PROSER1: variants seen among roughly 807,000 people sequenced by gnomAD.
PROSER1 encodes proline and serine-rich protein 1.
A neutral mutation model predicts 71.8 loss-of-function variants in PROSER1; 36 were observed. The ratio of observed to expected loss-of-function variants is 0.50; its 90% CI spans 0.38 to 0.66. The LOEUF is 0.66. Among genes scored for constraint, PROSER1 ranks in the 30% least tolerant of loss-of-function variants. The pLI, the probability that PROSER1 is intolerant of heterozygous loss-of-function variation, is 0.00. For synonymous variants in PROSER1, 490 were observed against 452.4 expected (o/e 1.08, Z -1.06); for missense variants, 1,107 against 1,135.0 (o/e 0.98, Z 0.35).
Position 39,012,759 on chromosome 13 carries a change from AGCTGGGGATGGG to A in PROSER1, c.2481_2492del (p.Ser829_Pro832del), listed in dbSNP as rs762275816. On this transcript the variant is annotated inframe_deletion, in exon 11 of 13. Coordinates refer to ENST00000352251, the MANE Select transcript of PROSER1 (RefSeq NM_025138.5). ...CTGAGGCGAATCCTGGGAGGACTGG[AGCTGGGGATGGG>A]GCTGTGGCAGCCACAGGTAGTGGTG... The A allele has an allele frequency of 3.1e-6, 5 of 1,613,472 alleles. No homozygotes were observed. The South Asian group carries it at 5.5e-5, about 18-fold the overall frequency.
rs1593533562 is a variant in PROSER1 at position 39,022,339 on chromosome 13, A to G, written c.717T>C (p.Asn239=). 6.2e-7 allele frequency: 1 copy of G among 1,606,756 alleles called. No homozygotes were observed. Residue 239 remains asparagine, a synonymous_variant, in exon 9 of 13, where the codon AAT becomes AAC. Transcript: ENST00000352251. The part of the protein sequence containing the change: ...IAPPPPPYTP[N]PVGTENEDLS... ...ATAACATTTTACCTGTTCCTACAGGATTAGGAGTATATGGAGGTGGAGGTG... is the reference window on the plus strand; with the variant it reads ...ATAACATTTTACCTGTTCCTACAGGGTTAGGAGTATATGGAGGTGGAGGTG...
At position 39,028,282 on chromosome 13, in the gene PROSER1, T is replaced by C. The variant is rs779962091; in HGVS notation, c.314A>G (p.Asp105Gly). 6.2e-7 allele frequency: 1 copy of C among 1,600,098 alleles called. No individual in the cohort carries two copies. Among genetic ancestry groups the C allele is most frequent in the Non-Finnish European group, 8.6e-7 (1 of 1,167,914 alleles). Residue 105 changes from aspartate to glycine, a missense_variant, in exon 5 of 13, where the codon GAT becomes GGT. Coordinates refer to ENST00000352251, the MANE Select transcript of PROSER1 (RefSeq NM_025138.5). ...IDAQNSRPIE[D>G]LFRVNMSEKK... is the part of the protein sequence containing the mutation. ...CTCAGACATATTTACCCTGAATAAA[T>C]CTTCAATAGGACGAGAATTCTGTGC...
At position 39,037,226 on chromosome 13, in the gene PROSER1, A is replaced by G. The variant is rs1456013209; in HGVS notation, c.17T>C (p.Phe6Ser). 6.2e-7 allele frequency: 1 copy of G among 1,610,474 alleles called. No homozygotes were observed. The highest frequency in any genetic ancestry group is 1.7e-5 in the Admixed American group (1 of 60,024). MDKKS[F>S]EMVLDEIRKA... ...TCTAATTTCATCCAGCACCATTTCA[A>G]AGGACTTTTTATCCATCTTGACTAC... Residue 6 changes from phenylalanine (F) to serine (S), a missense_variant, in exon 1 of 13, where the codon TTT becomes TCT. Physicochemically the swap from Phe to Ser is radical, Grantham distance 155. Coordinates refer to ENST00000352251, the MANE Select transcript of PROSER1 (RefSeq NM_025138.5).
intron 1 of PROSER1, among the ~76,000 whole-genome samples, chr13:39,036,729 G>A (rs1192402027): frequency 2.0e-5 from 3 of 152,066 alleles, no homozygotes; most frequent in Non-Finnish European, 4.4e-5. Flanking sequence ...CTTACCATCA[G>A]GACACGAATT....
chr13:39,036,968 G>T (rs1396288759), intron 1 of PROSER1, among the ~76,000 whole-genome samples: 1 of 152,166 alleles, frequency 6.6e-6, no homozygotes, highest in African/African-American at 2.4e-5. Flanking sequence ...CTTTACAAAT[G>T]TAATTCCCAC....
intron 1 of PROSER1, 56 bp downstream of exon 1, chr13:39,037,142 A>G (rs1871152878): frequency 7.8e-7 from 1 of 1,279,898 alleles, no homozygotes; most frequent in Non-Finnish European, 1.1e-6. Context: ...CCTCAAAGAG[A>G]GTCTAAAACA....
Position 39,013,258 on chromosome 13 carries a change from C to T in PROSER1, c.1994G>A (p.Ser665Asn), listed in dbSNP as rs911109327. The change falls in exon 11 of 13, where the codon AGC becomes AAC. Residue 665 changes from serine (S) to asparagine (N), a missense_variant. Ser to Asn is a conservative substitution (Grantham distance 46, BLOSUM62 1). Coordinates refer to ENST00000352251, the MANE Select transcript of PROSER1 (RefSeq NM_025138.5). Reference protein sequence around the residue: ...CLNPALSGLSSLSTPLNGSNP... With the variant: ...CLNPALSGLSNLSTPLNGSNP... ...TGAACCATTTAAAGGAGTACTCAAG[C>T]TGGAGAGACCTGACAATGCAGGATT... 5.0e-6 allele frequency: 8 copies of T among 1,613,960 alleles called. No individual in the cohort carries two copies. The highest frequency in any genetic ancestry group is 2.7e-5 in the African/African-American group (2 of 74,886).
In PROSER1 at chr13:39,029,043, A is replaced by G. The variant is rs187990189; in HGVS notation, c.275+238T>C. On this transcript the variant is annotated intron_variant, in intron 4 of 12. Transcript: ENST00000352251. ...TTTTCAGAGTAGGAAGGCAAAGCAA[A>G]TAACTGAAATACAAAAAATCAAATT... is the stretch of plus-strand genomic sequence containing the variant. The G allele has an allele frequency of 1.1e-3, 330 of 313,660 alleles. 2 individuals are homozygous for G. Among genetic ancestry groups the G allele is most frequent in the African/African-American group, 6.6e-3 (308 of 46,664 alleles). The allele number at this position is 313,660 out of a possible 1,614,324, so 19.4% of individuals were successfully genotyped here.
At chr13:39,032,779 A>G (rs1234632044) in intron 2 of PROSER1, among the ~76,000 whole-genome samples, 1 of 152,234 alleles carries the variant, frequency 6.6e-6, no homozygotes, top group Non-Finnish European at 1.5e-5. Context: ...CTTTAATACA[A>G]TAAGCTCATT....
At chr13:39,024,341 ACT>A in intron 7 of PROSER1, 130 bp downstream of exon 7, 1 of 624,708 alleles carries the variant, frequency 1.6e-6, no homozygotes, top group Admixed American at 2.9e-5. Context: ...TCATCCATTC[ACT>A]CTCTCACTCT....
At position 39,024,491 on chromosome 13, in the gene PROSER1, A is replaced by G. The variant is rs746801470; in HGVS notation, c.546T>C (p.Ile182=). The part of the protein sequence containing the change: ...TNEGKGIAAR[I]LGPSKPPPST... ...AACATACTGGTTTGGATGGCCCAAGAATTCGTGCAGCTATTCCTTTGCCTT... is the reference window on the plus strand; with the variant it reads ...AACATACTGGTTTGGATGGCCCAAGGATTCGTGCAGCTATTCCTTTGCCTT... Residue 182 remains isoleucine (I), a synonymous_variant, in exon 7 of 13, where the codon ATT becomes ATC. Transcript: ENST00000352251. The G allele has an allele frequency of 7.4e-6, 12 of 1,611,614 alleles. No individual in the cohort carries two copies. Among genetic ancestry groups the G allele is most frequent in the South Asian group, 1.1e-5 (1 of 90,766 alleles).
chr13:39,034,184 C>G lies in PROSER1; in HGVS notation c.58G>C (p.Glu20Gln). The change falls in exon 2 of 13, where the codon GAA (glutamate) becomes CAA (glutamine). Residue 20 changes from glutamate (E) to glutamine (Q), a missense_variant. Glu to Gln is a conservative substitution (Grantham distance 29). Coordinates refer to ENST00000352251, the MANE Select transcript of PROSER1 (RefSeq NM_025138.5). ...TATTCAATTGCTTTTAATTTGTATT[C>G]TGTCAAAACAGCCTAAAAAAAAAAA... ...LDEIRKAVLT[E>Q]YKLKAIEYVH... 3 of 1,583,468 alleles carry G rather than the reference C, an allele frequency of 1.9e-6. No homozygotes were observed. The South Asian group carries it at 3.5e-5, about 19-fold the overall frequency.
At chr13:39,030,236 T>C (rs988214649) in intron 3 of PROSER1, among the ~76,000 whole-genome samples, 1 of 152,204 alleles carries the variant, frequency 6.6e-6, no homozygotes, top group Non-Finnish European at 1.5e-5. Flanking sequence ...CTTAAATACA[T>C]TTATATATCT....
In PROSER1 at chr13:39,013,208, G is replaced by A. The variant is rs1869775681; in HGVS notation, c.2044C>T (p.Pro682Ser). Residue 682 changes from proline to serine, a missense_variant, in exon 11 of 13, where the codon CCA becomes TCA. Pro to Ser is a moderately conservative substitution (Grantham distance 74). Transcript: ENST00000352251. ...ATGGGAGTGGAGGAACCATGTGGTG[G>A]AAGGGAAATAGAGGAAAGAGGATTT... ...GSNPLSSISL[P>S]PHGSSTPIAP... 6.2e-7 allele frequency: 1 copy of A among 1,614,022 alleles called. No individual in the cohort carries two copies. Among genetic ancestry groups the A allele is most frequent in the Non-Finnish European group, 8.5e-7 (1 of 1,180,010 alleles).
rs1377762238 is a variant in PROSER1, at chr13:39,013,078, A to G, written c.2174T>C (p.Leu725Ser). 6.2e-7 allele frequency: 1 copy of G among 1,614,126 alleles called. No homozygotes were observed. Among genetic ancestry groups the G allele is most frequent in the Admixed American group, 1.7e-5 (1 of 60,006 alleles). Reference sequence around the variant, plus strand: ...GGCAGCGGTAGATGAGGTGGCTATTAATGACCCTGGGAGAGATACTGACGG... The same window carrying G: ...GGCAGCGGTAGATGAGGTGGCTATTGATGACCCTGGGAGAGATACTGACGG... The part of the protein sequence containing the change: ...LNPSVSLPGS[L>S]IATSSTAATS... Residue 725 changes from leucine to serine, a missense_variant, in exon 11 of 13, where the codon TTA becomes TCA. By Grantham distance (145) the Leu-to-Ser change is moderately radical. Transcript: ENST00000352251.
Position 39,024,456 on chromosome 13 carries a change from T to C in PROSER1, c.564+17A>G, listed in dbSNP as rs746906203. On this transcript the variant is annotated intron_variant, in intron 7 of 12. Transcript: ENST00000352251. ...TAGGAAGGAGTTTGGGCTTGTTTCA[T>C]CATTTTCTAAACATACTGGTTTGGA... is the stretch of plus-strand genomic sequence containing the variant. 4.3e-5 allele frequency: 68 copies of C among 1,582,108 alleles called. No individual in the cohort carries two copies. Among genetic ancestry groups the C allele is most frequent in the Non-Finnish European group, 5.6e-5 (65 of 1,156,284 alleles).
chr13:39,019,744 G>A (rs947562754), intron 9 of PROSER1, among the ~76,000 whole-genome samples: 2 of 151,252 alleles, frequency 1.3e-5, no homozygotes, highest in Non-Finnish European at 2.9e-5. Context: ...AAACAAAACT[G>A]GAATAGAAGA....
chr13:39,013,551 A>G lies in PROSER1; in HGVS notation c.1701T>C (p.Ala567=). Residue 567 remains alanine, a synonymous_variant, in exon 11 of 13, where the codon GCT becomes GCC. Transcript: ENST00000352251. ...CACAGCTAACTGGCACTGACGTGGA[A>G]GCTGATGCAGCAGTGGCTAAAGGAG... ...VQSPLATAAS[A]STSVPVSCGS... 1 of 1,614,126 alleles carries G rather than the reference A, an allele frequency of 6.2e-7. No homozygotes were observed. The highest frequency in any genetic ancestry group is 8.5e-7 in the Non-Finnish European group (1 of 1,180,026).
rs946351860 is a variant in PROSER1, at chr13:39,011,101, TC to T, written c.*263del. ...TTTCTATGTAGATCACATACACAATTCAAAATTTTATAGGACAGGTGAAAAG... is the reference window on the plus strand; with the variant it reads ...TTTCTATGTAGATCACATACACAATTAAAATTTTATAGGACAGGTGAAAAG... On this transcript the variant is annotated 3_prime_UTR_variant, in exon 13 of 13. Transcript: ENST00000352251. The T allele has an allele frequency of 2.7e-6, 1 of 376,674 alleles. No individual in the cohort carries two copies. The highest frequency in any genetic ancestry group is 2.1e-5 in the African/African-American group (1 of 47,482). The allele number at this position is 376,674 out of a possible 1,614,324, so 23.3% of individuals were successfully genotyped here.
Sources: allele counts gnomAD v4.1 joint callset (sites outside exome capture counted in the v4.1 genomes callset), GRCh38; gene constraint gnomAD v4.1.1; transcripts MANE v1.5; gene names NCBI Gene and HGNC (gene_info 2026-07-23, HGNC 2026-07-21).